DRC11: variants seen among roughly 807,000 people sequenced by gnomAD.
DRC11 encodes dynein regulatory complex subunit 11.
the DRC11 span, among the ~76,000 whole-genome samples, chr2:236,379,856 G>T: frequency 6.8e-6 from 1 of 148,042 alleles, no homozygotes; most frequent in African/African-American, 2.5e-5. Context: ...AGGGAGAGGG[G>T]AGGGAACCCC....
the DRC11 span, among the ~76,000 whole-genome samples, chr2:236,354,989 T>C: frequency 1.3e-5 from 2 of 152,228 alleles, no homozygotes; most frequent in African/African-American, 4.8e-5. Context: ...GCCTTTCTTT[T>C]GTGTTCTTTT....
At chr2:236,427,598 T>C in the DRC11 span, among the ~76,000 whole-genome samples, 1 of 152,116 alleles carries the variant, frequency 6.6e-6, no homozygotes, top group African/African-American at 2.4e-5. This position sits in a 1 kb window ranked among gnomAD's most constrained non-coding sequence, Gnocchi z 5.9. Flanking sequence ...AGTTGTAATG[T>C]ATCCTCTTTC....
chr2:236,372,009 G>A, the DRC11 span, among the ~76,000 whole-genome samples: 1 of 152,170 alleles, frequency 6.6e-6, no homozygotes, highest in Admixed American at 6.5e-5. This position sits in a 1 kb window ranked among gnomAD's most constrained non-coding sequence, Gnocchi z 4.5. Context: ...TTCTCAGATA[G>A]ACAGTGTGGT....
chr2:236,495,668 A>T, the DRC11 span, among the ~76,000 whole-genome samples: 1 of 152,134 alleles, frequency 6.6e-6, no homozygotes, highest in African/African-American at 2.4e-5. This position sits in a 1 kb window ranked among gnomAD's most constrained non-coding sequence, Gnocchi z 5.6. Flanking sequence ...AAGGGCAGGA[A>T]CCCAGCTGGG....
the DRC11 span, among the ~76,000 whole-genome samples, chr2:236,445,690 A>G: frequency 4.6e-5 from 7 of 152,260 alleles, no homozygotes; most frequent in Middle Eastern, 6.8e-3. The surrounding 1 kb of genome is among the most constrained non-coding windows in gnomAD (Gnocchi z 4.8). Context: ...GTTAGTTTAT[A>G]TAATTAGTCA....
chr2:236,357,493 ATACATATT>A, the DRC11 span, among the ~76,000 whole-genome samples: 1 of 127,392 alleles, frequency 7.8e-6, no homozygotes, highest in Non-Finnish European at 1.5e-5. Flanking sequence ...TATATTATAA[ATACATATT>A]TACATATTAT....
the DRC11 span, among the ~76,000 whole-genome samples, chr2:236,442,018 T>G: frequency 1.3e-5 from 2 of 152,112 alleles, no homozygotes; most frequent in Non-Finnish European, 2.9e-5. Flanking sequence ...GGAGGATCAC[T>G]TGAGTCCAGG....
chr2:236,459,368 T>C, the DRC11 span, among the ~76,000 whole-genome samples: 1 of 151,950 alleles, frequency 6.6e-6, no homozygotes, highest in African/African-American at 2.4e-5. Context: ...CAATCGAAAG[T>C]GAGGCCATCA....
At chr2:236,491,647 A>C in the DRC11 span, among the ~76,000 whole-genome samples, 1 of 152,144 alleles carries the variant, frequency 6.6e-6, no homozygotes, top group African/African-American at 2.4e-5. Flanking sequence ...GATTCCTTTC[A>C]GGGAATGAAG....
At chr2:236,459,657 A>G in the DRC11 span, among the ~76,000 whole-genome samples, 3 of 116,212 alleles carry the variant, frequency 2.6e-5, no homozygotes, top group Admixed American at 8.5e-5. Flanking sequence ...ATATATGTAT[A>G]TACATACGTA....
chr2:236,407,229 G>C, the DRC11 span, among the ~76,000 whole-genome samples: 1 of 152,228 alleles, frequency 6.6e-6, no homozygotes, highest in Non-Finnish European at 1.5e-5. Context: ...AAAATGTACA[G>C]CTGTGTCCTA....
At chr2:236,438,081 A>C in the DRC11 span, among the ~76,000 whole-genome samples, 1 of 140,252 alleles carries the variant, frequency 7.1e-6, no homozygotes, top group Non-Finnish European at 1.5e-5. Context: ...TTTAGATCTA[A>C]CGTTTAAGTC....
At chr2:236,383,631 T>C in the DRC11 span, among the ~76,000 whole-genome samples, 1 of 150,958 alleles carries the variant, frequency 6.6e-6, no homozygotes, top group Non-Finnish European at 1.5e-5. Context: ...TGTTGTGTGG[T>C]CATTTTTTTT....
At chr2:236,388,971 C>CTCGGGGG in the DRC11 span, among the ~76,000 whole-genome samples, 8 of 152,272 alleles carry the variant, frequency 5.3e-5, no homozygotes, top group African/African-American at 1.9e-4. Flanking sequence ...AGTTAGGCTG[C>CTCGGGGG]TCGGGGGTCA....
At chr2:236,371,826 T>G in the DRC11 span, among the ~76,000 whole-genome samples, 1 of 152,196 alleles carries the variant, frequency 6.6e-6, no homozygotes, top group Admixed American at 6.5e-5. The surrounding 1 kb of genome is among the most constrained non-coding windows in gnomAD (Gnocchi z 5.1). Flanking sequence ...TCCTGCTTCC[T>G]TTCCCTGAGC....
chr2:236,489,143 A>G, the DRC11 span, among the ~76,000 whole-genome samples: 152 of 55,864 alleles, frequency 2.7e-3, no homozygotes, highest in East Asian at 3.3e-3. Context: ...TGGGGCCTTT[A>G]TGGGCTCCGG....
At chr2:236,352,752 C>T in the DRC11 span, among the ~76,000 whole-genome samples, 12 of 152,222 alleles carry the variant, frequency 7.9e-5, no homozygotes, top group East Asian at 7.7e-4. The surrounding 1 kb of genome is among the most constrained non-coding windows in gnomAD (Gnocchi z 7.0). Flanking sequence ...GTTATTTCTC[C>T]GTTATCATTT....
chr2:236,414,328 C>T, the DRC11 span, among the ~76,000 whole-genome samples: 2 of 152,088 alleles, frequency 1.3e-5, no homozygotes, highest in African/African-American at 2.4e-5. Flanking sequence ...GATGTTTTTC[C>T]TATGTTTTAA....
At chr2:236,323,480 C>T in the DRC11 span, among the ~76,000 whole-genome samples, 18 of 152,284 alleles carry the variant, frequency 1.2e-4, no homozygotes, top group African/African-American at 3.9e-4. This position sits in a 1 kb window ranked among gnomAD's most constrained non-coding sequence, Gnocchi z 6.4. Context: ...CGGAACTGTC[C>T]AGGGCACATC....
Sources: allele counts gnomAD v4.1 joint callset (sites outside exome capture counted in the v4.1 genomes callset), GRCh38; gene constraint gnomAD v4.1.1; non-coding constraint Gnocchi (gnomAD v3.1); transcripts MANE v1.5; gene names NCBI Gene and HGNC (gene_info 2026-07-23, HGNC 2026-07-21).